Variants in ZNF479 observed in about 807,000 individuals in gnomAD.
ZNF479 encodes the protein KRAB zinc finger protein KR19.
Under a neutral mutation model 14.7 loss-of-function variants are expected in ZNF479, and 15 were observed. That is an observed-to-expected ratio of 1.02 (90% confidence interval 0.68 to 1.57). ZNF479 has a LOEUF of 1.57. Ranked by LOEUF, ZNF479 falls within the 40% of genes most tolerant of loss-of-function variation. ZNF479 has a pLI of 0.00. For missense variants in ZNF479, 506 were observed against 615.1 expected, an observed-to-expected ratio of 0.82 and a Z score of 1.88; for synonymous variants, 145 against 211.5, an observed-to-expected ratio of 0.69 and a Z score of 2.73.
Position 57,132,356 on chromosome 7 carries a change from A to G in ZNF479, c.-32T>C. 1.2e-6 allele frequency: 2 copies of G among 1,614,150 alleles called. No individual in the cohort carries two copies. Among genetic ancestry groups the G allele is most frequent in the Non-Finnish European group, 1.7e-6 (2 of 1,179,998 alleles). On this transcript the variant is annotated 5_prime_UTR_variant, in exon 1 of 4. Coordinates refer to ENST00000319636, the MANE Select transcript of ZNF479 (RefSeq NM_001370129.2). The stretch of plus-strand genomic sequence containing the variant: ...GCAGATACCTGCAGGACACAAGGAC[A>G]CATAGGCTTGGCCTCTAGGAGCAGA...
chr7:57,125,995 C>T, intron 3 of ZNF479, 23 bp downstream of exon 3: 5 of 1,599,818 alleles, frequency 3.1e-6, no homozygotes, highest in Non-Finnish European at 4.2e-6. Flanking sequence ...TCTGTCTCAT[C>T]TGCTTCATTC....
At chr7:57,137,258 TC>T (rs1351286607), upstream of ZNF479, among the ~76,000 whole-genome samples, 3 of 152,114 alleles carry the variant, frequency 2.0e-5, no homozygotes, top group African/African-American at 7.2e-5. Context: ...GCCACAGCCT[TC>T]CGAGTAGCTG....
chr7:57,127,471 G>A (rs1786224929), intron 1 of ZNF479: 4 of 851,036 alleles, frequency 4.7e-6, no homozygotes, highest in Non-Finnish European at 5.7e-6. Flanking sequence ...TTTGTTTCAG[G>A]AGATTTCCGA....
At chr7:57,127,642 G>A (rs1786230930) in intron 1 of ZNF479, 1 of 627,866 alleles carries the variant, frequency 1.6e-6, no homozygotes. Context: ...ACAAATATAA[G>A]CAAAAGTCAT....
intron 3 of ZNF479, among the ~76,000 whole-genome samples, chr7:57,124,192 A>T (rs1467629122): frequency 6.6e-6 from 1 of 152,068 alleles, no homozygotes; most frequent in Non-Finnish European, 1.5e-5. Flanking sequence ...AAAAACACAG[A>T]GGCACTATAC....
chr7:57,120,636 T>A lies in ZNF479; in HGVS notation c.779A>T (p.Lys260Met), dbSNP rs1231523884. 6.2e-7 allele frequency: 1 copy of A among 1,613,826 alleles called. No homozygotes were observed. The highest frequency in any genetic ancestry group is 1.3e-5 in the African/African-American group (1 of 74,928). The change falls in exon 4 of 4, where the codon AAG becomes ATG. Residue 260 changes from lysine to methionine, a missense_variant. Physicochemically the swap from Lys to Met is moderately conservative, Grantham distance 95. This residue lies in a region of ZNF479 where 420 missense variants were observed against 474.2 expected (regional missense o/e 0.89). Coordinates refer to ENST00000319636, the MANE Select transcript of ZNF479 (RefSeq NM_001370129.2). ...FSWSANLTRH[K>M]RTHTGEKPYT... ...GGGTTTCTCTCCAGTATGAGTTCTC[T>A]TATGTCTAGTAAGGTTTGCAGACCA...
At position 57,126,717 on chromosome 7, in the gene ZNF479, C is replaced by A; in HGVS notation, c.41G>T (p.Gly14Val). The A allele has an allele frequency of 6.2e-7, 1 of 1,614,016 alleles. No homozygotes were observed. The highest frequency in any genetic ancestry group is 8.5e-7 in the Non-Finnish European group (1 of 1,179,962). The change falls in exon 2 of 4, where the codon GGA becomes GTA. Residue 14 changes from glycine (G) to valine (V), a missense_variant and splice_region_variant. This residue lies in a region of ZNF479 where 420 missense variants were observed against 474.2 expected (regional missense o/e 0.89). Coordinates refer to ENST00000319636, the MANE Select transcript of ZNF479 (RefSeq NM_001370129.2). Reference protein sequence around the residue: ...RPGPPGSREMGLLTFRDIAIE... With the variant: ...RPGPPGSREMVLLTFRDIAIE... Reference sequence around the variant, plus strand: ...AGCTATGTCTCTGAATGTCAACAGTCCCTGGAAAACAAACAAACAAAACCA... The same window carrying A: ...AGCTATGTCTCTGAATGTCAACAGTACCTGGAAAACAAACAAACAAAACCA...
intron 1 of ZNF479, among the ~76,000 whole-genome samples, chr7:57,128,938 C>T (rs1786299602): frequency 1.3e-5 from 2 of 152,290 alleles, no homozygotes; most frequent in African/African-American, 4.8e-5. Context: ...AAACCTGCAT[C>T]TTGAGAATAT....
At chr7:57,134,125 G>A (rs1786543318), upstream of ZNF479, among the ~76,000 whole-genome samples, 2 of 152,266 alleles carry the variant, frequency 1.3e-5, no homozygotes, top group East Asian at 1.9e-4. Flanking sequence ...ATCTGGAATA[G>A]GTGCTGGGTA....
rs528252355 is a variant in ZNF479, at chr7:57,118,164, C to T, written c.*1676G>A. 2.0e-4 allele frequency among the ~76,000 whole-genome samples: 31 copies of T among 152,256 alleles called. No individual in the cohort carries two copies. Among genetic ancestry groups the T allele is most frequent in the Admixed American group, 1.6e-3 (25 of 15,280 alleles). ...CATTCATTACATGTTTAGACTTTCT[C>T]TCCAATATAAATTCTCTAATGTTCA... On this transcript the variant is annotated 3_prime_UTR_variant, in exon 4 of 4. Coordinates refer to ENST00000319636, the MANE Select transcript of ZNF479 (RefSeq NM_001370129.2).
In ZNF479 at chr7:57,120,650, GT is replaced by G. The variant is rs1785888543; in HGVS notation, c.764del (p.Asn255ThrfsTer115). 1 of 1,613,774 alleles carries G rather than the reference GT, an allele frequency of 6.2e-7. No individual in the cohort carries two copies. Among genetic ancestry groups the G allele is most frequent in the South Asian group, 1.1e-5 (1 of 91,072 alleles). On this transcript the variant is annotated frameshift_variant, in exon 4 of 4. Coordinates refer to ENST00000319636, the MANE Select transcript of ZNF479 (RefSeq NM_001370129.2). LOFTEE classifies it low-confidence loss of function (END_TRUNC). ...TATGAGTTCTCTTATGTCTAGTAAG[GT>G]TTGCAGACCAGCTAAAGGCTTTGCC... ...ECGKAFSWSA[N>X]LTRHKRTHTG...
intron 1 of ZNF479, among the ~76,000 whole-genome samples, chr7:57,129,651 G>A (rs1786332565): frequency 6.6e-6 from 1 of 152,132 alleles, no homozygotes; most frequent in East Asian, 1.9e-4. Context: ...GTGCTCAGGA[G>A]CATGTCACAG....
chr7:57,125,627 G>A (rs1583937113), intron 3 of ZNF479, among the ~76,000 whole-genome samples: 2 of 151,430 alleles, frequency 1.3e-5, no homozygotes, highest in African/African-American at 4.8e-5. Flanking sequence ...ACCAATGAAA[G>A]AGAAACTACT....
chr7:57,139,101 C>G (rs1786767995), intron 1 of ZNF479, among the ~76,000 whole-genome samples: 1 of 152,200 alleles, frequency 6.6e-6, no homozygotes. Flanking sequence ...CCATATAAAA[C>G]CCTCAGGTGG....
chr7:57,126,445 G>A, intron 2 of ZNF479, 147 bp downstream of exon 2: 1 of 750,344 alleles, frequency 1.3e-6, no homozygotes, highest in Middle Eastern at 2.5e-4. Flanking sequence ...AAAACATCTT[G>A]AAGAATTTGT....
intron 3 of ZNF479, among the ~76,000 whole-genome samples, chr7:57,125,754 G>C (rs1307711878): frequency 2.6e-5 from 4 of 152,178 alleles, no homozygotes; most frequent in Non-Finnish European, 5.9e-5. Context: ...AGTTTGCGCA[G>C]TCCCTGATAA....
At chr7:57,129,994 A>G (rs1786343778) in intron 1 of ZNF479, among the ~76,000 whole-genome samples, 1 of 152,222 alleles carries the variant, frequency 6.6e-6, no homozygotes, top group South Asian at 2.1e-4. Flanking sequence ...GGCAGTGTTA[A>G]GGACAAAATG....
At chr7:57,122,773 T>C (rs1786008272) in intron 3 of ZNF479, among the ~76,000 whole-genome samples, 1 of 152,086 alleles carries the variant, frequency 6.6e-6, no homozygotes, top group African/African-American at 2.4e-5. Context: ...ATTACTAGAA[T>C]GAGACAAAGA....
chr7:57,128,931 C>A (rs1786299312), intron 1 of ZNF479, among the ~76,000 whole-genome samples: 1 of 152,174 alleles, frequency 6.6e-6, no homozygotes, highest in African/African-American at 2.4e-5. Context: ...ACATATCAAA[C>A]CTGCATCTTG....
Sources: gnomAD v4.1 joint callset for allele counts (sites outside exome capture counted in the v4.1 genomes callset) on GRCh38, gnomAD v4.1.1 for gene constraint, gnomAD v4.1.1 regional missense constraint, MANE v1.5 for transcripts, NCBI Gene and HGNC (gene_info 2026-07-23, HGNC 2026-07-21) for gene names.